SPIN1: variants seen among roughly 807,000 people sequenced by gnomAD.
SPIN1 encodes the protein spindlin 1.
In SPIN1, 3 loss-of-function variants were observed where a neutral mutation model predicts 26.0. The ratio of observed to expected loss-of-function variants is 0.12; its 90% confidence interval spans 0.05 to 0.30. SPIN1 has a LOEUF of 0.30. Ranked by LOEUF, SPIN1 falls within the 10% of genes least tolerant of loss-of-function variation. SPIN1 has a pLI of 1.00. For missense variants in SPIN1, 126 were observed against 333.4 expected (o/e 0.38, Z 4.84); for synonymous variants, 101 against 116.5 (o/e 0.87, Z 0.86).
intron 1 of SPIN1, chr9:88,410,861 G>C (rs1301073145): frequency 1.3e-5 from 12 of 930,334 alleles, no homozygotes; most frequent in Non-Finnish European, 2.1e-5. Flanking sequence ...CGACCACCAC[G>C]TTTCCAGAAT....
rs775111083 is a variant in SPIN1 at position 88,462,747 on chromosome 9, T to C, written c.353T>C (p.Val118Ala). 2 of 1,603,584 alleles carry C rather than the reference T, an allele frequency of 1.2e-6. No homozygotes were observed. Among genetic ancestry groups the C allele is most frequent in the Admixed American group, 1.7e-5 (1 of 57,944 alleles). The change falls in exon 4 of 6, where the codon GTT (valine) becomes GCT (alanine). Residue 118 changes from valine to alanine, a missense_variant and splice_region_variant. Around this residue, in one of 7 missense-constraint regions of SPIN1, gnomAD observed 23 missense variants for 43.0 expected, o/e 0.54. Coordinates refer to ENST00000375859, the MANE Select transcript of SPIN1 (RefSeq NM_006717.3). ...GCGCTTGAAGTCCTCCCTGATAGAG[T>C]TGGTAAGTTCTTTTTATAATTTGTG... The part of the protein sequence containing the change: ...VSALEVLPDR[V>A]ATSRISDAHL...
chr9:88,438,233 G>A lies in SPIN1; in HGVS notation c.53-10708G>A, dbSNP rs533225930. On this transcript the variant is annotated intron_variant, in intron 2 of 5. Coordinates refer to ENST00000375859, the MANE Select transcript of SPIN1 (RefSeq NM_006717.3). ...TCTCTGTAAGCACTGCTTTTGCTCA[G>A]TGTTGGTAAGTTATGTTTTCATTTT... Among the ~76,000 whole-genome samples the A allele has an allele frequency of 7.9e-5, 12 of 151,846 alleles. No individual in the cohort carries two copies. The East Asian group carries it at 1.9e-3, about 24-fold the overall frequency.
chr9:88,431,852 C>T (rs992809711), intron 2 of SPIN1, among the ~76,000 whole-genome samples: 1 of 152,020 alleles, frequency 6.6e-6, no homozygotes, highest in African/African-American at 2.4e-5. Flanking sequence ...GAGTGTGAGA[C>T]TGCCTGGGCA....
chr9:88,466,760 A>G (rs1587815814), intron 4 of SPIN1, among the ~76,000 whole-genome samples: 1 of 152,098 alleles, frequency 6.6e-6, no homozygotes, highest in South Asian at 2.1e-4. Context: ...TTGTTAAGAC[A>G]GGGCCTCACT....
intron 3 of SPIN1, 150 bp from the exon 4 acceptor site, chr9:88,462,346 T>C (rs1345475123): frequency 9.3e-7 from 1 of 1,073,488 alleles, no homozygotes. Flanking sequence ...ACAACCACTT[T>C]GAGTCACCTG....
intron 4 of SPIN1, 27 bp from the exon 5 acceptor site, chr9:88,468,345 C>CTT (rs10541463): frequency 1.0e-3 from 1,324 of 1,317,306 alleles, no homozygotes; most frequent in South Asian, 2.2e-3. Flanking sequence ...ACTTTGTCAA[C>CTT]TTTTTTTTTT....
chr9:88,451,123 C>A (rs1828344425), intron 3 of SPIN1, among the ~76,000 whole-genome samples: 2 of 149,352 alleles, frequency 1.3e-5, no homozygotes, highest in African/African-American at 5.0e-5. Context: ...AAAAAAAAAA[C>A]AGAACTATAG....
chr9:88,389,619 A>G lies in SPIN1; in HGVS notation c.-159+1081A>G, dbSNP rs368110592. 1.9e-3 allele frequency among the ~76,000 whole-genome samples: 289 copies of G among 152,360 alleles called. 5 individuals carry two copies. In the South Asian group the frequency reaches 0.032, roughly 17 times the overall value. ...ATTTTATCACGTTAATCACAAAACA[A>G]TACCAGGAACATTTAAATGTCTTAA... is the stretch of plus-strand genomic sequence containing the variant. On this transcript the variant is annotated intron_variant, in intron 1 of 5. Coordinates refer to ENST00000375859, the MANE Select transcript of SPIN1 (RefSeq NM_006717.3).
At chr9:88,424,668 CAG>C (rs1029467610) in intron 1 of SPIN1, among the ~76,000 whole-genome samples, 2 of 152,104 alleles carry the variant, frequency 1.3e-5, no homozygotes, top group African/African-American at 4.8e-5. Context: ...CTAGAATGAT[CAG>C]AGATGGTTTT....
intron 1 of SPIN1, among the ~76,000 whole-genome samples, chr9:88,404,559 T>C (rs1376639298): frequency 2.6e-5 from 4 of 152,212 alleles, no homozygotes; most frequent in Non-Finnish European, 5.9e-5. Flanking sequence ...TGTTATTTTG[T>C]AAGCCTTTTC....
intron 2 of SPIN1, among the ~76,000 whole-genome samples, chr9:88,443,832 TGGCTTGATCAACTTCCCC>T (rs1365856489): frequency 3.3e-5 from 5 of 152,292 alleles, no homozygotes; most frequent in African/African-American, 1.2e-4. Flanking sequence ...TGGGACAGGA[TGGCTTGATCAACTTCCCC>T]GGCTTGTAGA....
chr9:88,449,036 G>C, intron 3 of SPIN1, 47 bp downstream of exon 3: 1 of 1,590,556 alleles, frequency 6.3e-7, no homozygotes. Context: ...GTGACCTTTT[G>C]TTACGCAGCA....
intron 2 of SPIN1, among the ~76,000 whole-genome samples, chr9:88,445,123 G>A (rs967151712): frequency 2.0e-5 from 3 of 152,236 alleles, no homozygotes; most frequent in African/African-American, 7.2e-5. Context: ...ATCCAGTGTG[G>A]GGTTGTGTGT....
intron 1 of SPIN1, among the ~76,000 whole-genome samples, chr9:88,393,410 AG>A (rs1826975872): frequency 6.7e-6 from 1 of 150,246 alleles, no homozygotes; most frequent in Non-Finnish European, 1.5e-5. Context: ...ACAGGCAATA[AG>A]GAGAGAAAAG....
chr9:88,401,918 A>G lies in SPIN1; in HGVS notation c.-159+13380A>G, dbSNP rs73498097. On this transcript the variant is annotated intron_variant, in intron 1 of 5. Transcript: ENST00000375859. ...TATTTTACATCTTTATGGGATGCATATGAATACTTGTTGCATGCATAGAAT... is the reference window on the plus strand; with the variant it reads ...TATTTTACATCTTTATGGGATGCATGTGAATACTTGTTGCATGCATAGAAT... Among the ~76,000 whole-genome samples, 1,504 of 152,326 alleles carry G rather than the reference A, an allele frequency of 9.9e-3. 24 individuals are homozygous for G. The highest frequency in any genetic ancestry group is 0.034 in the African/African-American group (1,429 of 41,568).
intron 2 of SPIN1, among the ~76,000 whole-genome samples, chr9:88,448,287 A>C (rs930607238): frequency 2.6e-5 from 4 of 151,662 alleles, no homozygotes; most frequent in Admixed American, 2.6e-4. Context: ...CAAGGAATCC[A>C]CCCGACTTGG....
chr9:88,463,759 TTTA>T (rs1828613321), intron 4 of SPIN1, among the ~76,000 whole-genome samples: 1 of 152,226 alleles, frequency 6.6e-6, no homozygotes, highest in Non-Finnish European at 1.5e-5. Flanking sequence ...AATTTAAATC[TTTA>T]TTATTACTCC....
chr9:88,466,092 G>A (rs1201186615), intron 4 of SPIN1, among the ~76,000 whole-genome samples: 2 of 152,138 alleles, frequency 1.3e-5, no homozygotes, highest in Non-Finnish European at 2.9e-5. Flanking sequence ...TTCTGAAGTA[G>A]TAAATATTGG....
intron 5 of SPIN1, among the ~76,000 whole-genome samples, chr9:88,472,014 G>A (rs368241640): frequency 6.6e-6 from 1 of 152,072 alleles, no homozygotes; most frequent in Admixed American, 6.6e-5. Context: ...GGCCAGGCTG[G>A]TCTCAAACTC....
Sources: allele counts gnomAD v4.1 joint callset (sites outside exome capture counted in the v4.1 genomes callset), GRCh38; gene constraint gnomAD v4.1.1; regional missense constraint gnomAD v4.1.1; transcripts MANE v1.5; gene names NCBI Gene and HGNC (gene_info 2026-07-23, HGNC 2026-07-21).